The following TSC22D3 variants were observed in gnomAD, a reference collection of about 807,000 sequenced individuals.
TSC22D3 encodes TSC22 domain family protein 3.
Under a neutral mutation model 11.1 loss-of-function variants are expected in TSC22D3, and 4 were observed. The ratio of observed to expected loss-of-function variants is 0.36; its 90% CI spans 0.18 to 0.83. TSC22D3 has a LOEUF of 0.83. Ranked by LOEUF, TSC22D3 falls within the 40% of genes least tolerant of loss-of-function variation. The pLI, the probability that TSC22D3 is intolerant of heterozygous loss-of-function variation, is 0.48. For missense variants in TSC22D3, 118 were observed against 159.4 expected, an observed-to-expected ratio of 0.74 and a Z score of 1.40; for synonymous variants, 77 against 70.3, an observed-to-expected ratio of 1.10 and a Z score of -0.48.
rs73636312 is a variant in TSC22D3 at position 107,730,939 on chromosome X, G to A, written c.321-14989C>T. 6.0e-3 allele frequency among the ~76,000 whole-genome samples: 676 copies of A among 111,910 alleles called. 4 individuals carry two copies. Among genetic ancestry groups the A allele is most frequent in the African/African-American group, 0.021 (644 of 30,823 alleles). On this transcript the variant is annotated intron_variant, in intron 1 of 2. Coordinates refer to ENST00000372383, the MANE Select transcript of TSC22D3 (RefSeq NM_198057.3). Reference sequence around the variant, plus strand: ...GGACCTGCCTTCCTTAGCAATGCCCGCTTTAAGAGAGACTCCCAGTCTCCT... The same window carrying A: ...GGACCTGCCTTCCTTAGCAATGCCCACTTTAAGAGAGACTCCCAGTCTCCT...
chrX:107,770,161 G>A (rs948038241), intron 1 of TSC22D3, among the ~76,000 whole-genome samples: 3 of 112,100 alleles, frequency 2.7e-5, no homozygotes, highest in African/African-American at 9.8e-5. Context: ...TTGACAATGC[G>A]TTGCAATCTC....
At chrX:107,770,445 A>G (rs1929857501) in intron 1 of TSC22D3, among the ~76,000 whole-genome samples, 3 of 112,235 alleles carry the variant, frequency 2.7e-5, no homozygotes, top group Admixed American at 1.9e-4. Context: ...CTGAATCTAT[A>G]TCCTTCCCCT....
At chrX:107,748,745 C>T (rs763198767) in intron 1 of TSC22D3, among the ~76,000 whole-genome samples, 2 of 112,207 alleles carry the variant, frequency 1.8e-5, no homozygotes, top group Admixed American at 9.4e-5. Flanking sequence ...CCTGCCCTGG[C>T]GGCCTTCACA....
chrX:107,715,795 G>A, intron 2 of TSC22D3, 104 bp downstream of exon 2: 1 of 1,021,644 alleles, frequency 9.8e-7, no homozygotes, highest in Non-Finnish European at 1.4e-6. Flanking sequence ...GGCTTCCTCA[G>A]GGTTTTGGCT....
chrX:107,760,166 C>A (rs1056189966), intron 1 of TSC22D3, among the ~76,000 whole-genome samples: 3 of 113,167 alleles, frequency 2.7e-5, no homozygotes, highest in Non-Finnish European at 3.7e-5. Flanking sequence ...GAACAGCAAG[C>A]CTTTCTGTCC....
At chrX:107,747,970 A>G (rs1405102361) in intron 1 of TSC22D3, among the ~76,000 whole-genome samples, 1 of 112,044 alleles carries the variant, frequency 8.9e-6, no homozygotes, top group Admixed American at 9.4e-5. Flanking sequence ...ATCATACCCC[A>G]GGCCCTATAA....
chrX:107,736,938 C>G (rs952925213), intron 1 of TSC22D3, among the ~76,000 whole-genome samples: 1 of 112,035 alleles, frequency 8.9e-6, no homozygotes, highest in African/African-American at 3.2e-5. Context: ...CAGTTCATGG[C>G]CTAGAGAGTG....
intron 1 of TSC22D3, among the ~76,000 whole-genome samples, chrX:107,728,208 C>T (rs1392716840): frequency 1.8e-5 from 2 of 111,422 alleles, no homozygotes; most frequent in East Asian, 5.5e-4. Flanking sequence ...CTAATGGCCT[C>T]GTGGAGAACT....
At chrX:107,752,719 A>G (rs781482251) in intron 1 of TSC22D3, among the ~76,000 whole-genome samples, 6 of 111,236 alleles carry the variant, frequency 5.4e-5, no homozygotes, top group Non-Finnish European at 7.5e-5. Flanking sequence ...TGAGAGCCCT[A>G]AAGATGGATC....
chrX:107,773,204 A>G (rs980367652), intron 1 of TSC22D3, among the ~76,000 whole-genome samples: 1 of 112,439 alleles, frequency 8.9e-6, no homozygotes, highest in Admixed American at 9.4e-5. Context: ...CCACAAACCC[A>G]AACAACCAGG....
intron 1 of TSC22D3, among the ~76,000 whole-genome samples, chrX:107,758,272 G>A (rs767198253): frequency 7.1e-4 from 73 of 102,561 alleles, no homozygotes; most frequent in African/African-American, 2.6e-3. Flanking sequence ...GGTTGGCGGA[G>A]CACATTGTAG....
intron 1 of TSC22D3, among the ~76,000 whole-genome samples, chrX:107,772,973 G>C (rs888577177): frequency 8.9e-6 from 1 of 112,855 alleles, no homozygotes; most frequent in South Asian, 3.6e-4. Context: ...AGAGCTTGCT[G>C]GTTAGCTCCT....
At chrX:107,767,873 CT>C (rs1320959766) in intron 1 of TSC22D3, among the ~76,000 whole-genome samples, 1 of 112,084 alleles carries the variant, frequency 8.9e-6, no homozygotes, top group East Asian at 2.8e-4. Flanking sequence ...CATTATTGTT[CT>C]CTTTATTTAA....
chrX:107,729,941 C>A (rs780467638), intron 1 of TSC22D3, among the ~76,000 whole-genome samples: 3 of 112,578 alleles, frequency 2.7e-5, no homozygotes, highest in East Asian at 2.8e-4. Flanking sequence ...TTTAAGCAAA[C>A]CTGACATTAT....
chrX:107,720,030 T>C (rs1360001729), intron 1 of TSC22D3, among the ~76,000 whole-genome samples: 3 of 111,130 alleles, frequency 2.7e-5, no homozygotes, highest in Non-Finnish European at 5.7e-5. Context: ...GTGTACAATA[T>C]TCCAAATCAA....
chrX:107,723,843 G>A (rs1927479173), intron 1 of TSC22D3, among the ~76,000 whole-genome samples: 1 of 112,759 alleles, frequency 8.9e-6, no homozygotes, highest in African/African-American at 3.2e-5. Flanking sequence ...GATCTTGTTG[G>A]GGATGGGGGT....
At chrX:107,732,250 C>G (rs1260413216) in intron 1 of TSC22D3, among the ~76,000 whole-genome samples, 6 of 109,315 alleles carry the variant, frequency 5.5e-5, no homozygotes, top group Non-Finnish European at 9.6e-5. Flanking sequence ...AAGCCCTCCC[C>G]CAAACTCCCT....
intron 1 of TSC22D3, chrX:107,716,288 G>C (rs983712616): frequency 1.1e-6 from 1 of 923,882 alleles, no homozygotes; most frequent in Non-Finnish European, 1.3e-6. Flanking sequence ...CCCCACAGCC[G>C]GCCTACAAGG....
intron 1 of TSC22D3, among the ~76,000 whole-genome samples, chrX:107,773,635 A>G (rs4300127): frequency 0.055 from 6,160 of 112,049 alleles, 417 homozygotes; most frequent in African/African-American, 0.19. Flanking sequence ...ACAATGAGAT[A>G]ATTTGATGCC....
Sources: gnomAD v4.1 joint callset for allele counts (sites outside exome capture counted in the v4.1 genomes callset) on GRCh38, gnomAD v4.1.1 for gene constraint, MANE v1.5 for transcripts, NCBI Gene and HGNC (gene_info 2026-07-23, HGNC 2026-07-21) for gene names.